Variants in FAM107B observed in about 807,000 individuals in gnomAD.
FAM107B encodes protein FAM107B.
FAM107B carries 21 observed loss-of-function variants against 31.5 expected under a neutral mutation model. That is an observed-to-expected ratio of 0.67 (90% CI 0.47 to 0.96). The LOEUF (loss-of-function observed/expected upper bound fraction) is 0.96, where lower values mean the gene tolerates loss of function less well. FAM107B is among the 40% of genes least tolerant of loss of function. The pLI, the probability that FAM107B is intolerant of heterozygous loss-of-function variation, is 0.00. For missense variants in FAM107B, 452 were observed against 377.1 expected (o/e 1.20, Z -1.64); for synonymous variants, 157 against 141.5 (o/e 1.11, Z -0.78).
At chr10:14,612,809 G>C (rs1250496786) in intron 2 of FAM107B, among the ~76,000 whole-genome samples, 1 of 151,932 alleles carries the variant, frequency 6.6e-6, no homozygotes, top group Non-Finnish European at 1.5e-5. Context: ...AAAAGACTGG[G>C]AATAAAAATG....
chr10:14,606,778 C>T (rs988471451), intron 2 of FAM107B, among the ~76,000 whole-genome samples: 1 of 151,552 alleles, frequency 6.6e-6, no homozygotes, highest in Non-Finnish European at 1.5e-5. Context: ...CATGAAGACA[C>T]AATGAAAAGG....
intron 2 of FAM107B, among the ~76,000 whole-genome samples, chr10:14,618,522 G>A (rs1852911334): frequency 6.6e-6 from 1 of 152,088 alleles, no homozygotes; most frequent in Non-Finnish European, 1.5e-5. Context: ...TCCAGTCTTC[G>A]AATGTGACCT....
chr10:14,595,580 C>A (rs1852163527), intron 2 of FAM107B, among the ~76,000 whole-genome samples: 1 of 152,058 alleles, frequency 6.6e-6, no homozygotes, highest in Non-Finnish European at 1.5e-5. Flanking sequence ...CGTGCACCAC[C>A]ACGCCTGGCT....
chr10:14,722,531 A>C (rs916490328), intron 1 of FAM107B, among the ~76,000 whole-genome samples: 2 of 152,164 alleles, frequency 1.3e-5, no homozygotes, highest in African/African-American at 2.4e-5. Flanking sequence ...ATGGCTGTAA[A>C]GTTGTACTCT....
intron 2 of FAM107B, among the ~76,000 whole-genome samples, chr10:14,538,040 G>C (rs1296999950): frequency 6.6e-6 from 1 of 152,112 alleles, no homozygotes; most frequent in Admixed American, 6.5e-5. Flanking sequence ...AATTCCAAAA[G>C]GAAGCTCTTA....
At chr10:14,528,174 GTTTT>G (rs34584902) in intron 3 of FAM107B, 152 of 67,732 alleles carry the variant, frequency 2.2e-3, no homozygotes, top group South Asian at 0.012. Context: ...TTAAGTTTTG[GTTTT>G]TTTTTTTTTT....
chr10:14,660,933 G>A (rs1225615400), intron 2 of FAM107B, among the ~76,000 whole-genome samples: 3 of 152,174 alleles, frequency 2.0e-5, no homozygotes, highest in Non-Finnish European at 2.9e-5. Context: ...AATGTTGGAG[G>A]AGGGGCCTGG....
intron 2 of FAM107B, among the ~76,000 whole-genome samples, chr10:14,583,061 TG>T (rs1564586163): frequency 7.3e-6 from 1 of 136,178 alleles, no homozygotes; most frequent in Non-Finnish European, 1.5e-5. Flanking sequence ...CACTCCAGCC[TG>T]GGCAAAACAG....
chr10:14,701,621 T>C, intron 1 of FAM107B, among the ~76,000 whole-genome samples: 1 of 151,940 alleles, frequency 6.6e-6, no homozygotes, highest in East Asian at 1.9e-4. Flanking sequence ...GAAAGGGAAC[T>C]AAAAGGAATG....
chr10:14,622,681 C>A (rs1302510574), intron 2 of FAM107B, among the ~76,000 whole-genome samples: 1 of 152,210 alleles, frequency 6.6e-6, no homozygotes, highest in East Asian at 1.9e-4. Context: ...ACACTAGACA[C>A]ACTCTTATTG....
chr10:14,536,588 T>G (rs1418499243), intron 2 of FAM107B, among the ~76,000 whole-genome samples: 1 of 152,220 alleles, frequency 6.6e-6, no homozygotes, highest in Non-Finnish European at 1.5e-5. Context: ...AAAGTGCAGT[T>G]GGTTTCATCA....
At position 14,707,960 on chromosome 10, in the gene FAM107B, G is replaced by A. The variant is rs190948745; in HGVS notation, c.412-40269C>T. On this transcript the variant is annotated intron_variant, in intron 1 of 4. Transcript: ENST00000181796. ...GGAAGGCACAGCATGTGTTAAAATAGCTAGGACTGGCCCTGCCTTCAGCCC... is the reference window on the plus strand; with the variant it reads ...GGAAGGCACAGCATGTGTTAAAATAACTAGGACTGGCCCTGCCTTCAGCCC... Among the ~76,000 whole-genome samples the A allele has an allele frequency of 2.6e-5, 4 of 152,316 alleles. No homozygotes were observed. In the East Asian group the frequency reaches 7.7e-4, roughly 29 times the overall value.
chr10:14,643,842 TA>T (rs1853689690), intron 2 of FAM107B, among the ~76,000 whole-genome samples: 1 of 152,238 alleles, frequency 6.6e-6, no homozygotes, highest in Admixed American at 6.5e-5. Context: ...CACATAAAAC[TA>T]ATCATCGCAC....
intron 1 of FAM107B, among the ~76,000 whole-genome samples, chr10:14,696,694 C>G (rs547518247): frequency 6.6e-6 from 1 of 152,210 alleles, no homozygotes; most frequent in South Asian, 2.1e-4. Context: ...TTTACAGTAA[C>G]AAAATATCCA....
intron 1 of FAM107B, among the ~76,000 whole-genome samples, chr10:14,761,788 G>A (rs1443268928): frequency 6.6e-6 from 1 of 151,906 alleles, no homozygotes; most frequent in Non-Finnish European, 1.5e-5. Context: ...AGTAGAGGGG[G>A]GGGTTTCACC....
chr10:14,552,166 G>A (rs1588561571), intron 2 of FAM107B, among the ~76,000 whole-genome samples: 2 of 152,158 alleles, frequency 1.3e-5, no homozygotes, highest in Admixed American at 1.3e-4. Context: ...GGCTATGTGT[G>A]ACCCTCCCAC....
intron 1 of FAM107B, among the ~76,000 whole-genome samples, chr10:14,762,754 TCACACA>T (rs35574582): frequency 0.042 from 4,874 of 116,122 alleles, 106 homozygotes; most frequent in East Asian, 0.064. Context: ...AAACTCTGTC[TCACACA>T]CACACACACA....
intron 2 of FAM107B, among the ~76,000 whole-genome samples, chr10:14,655,740 A>G (rs1347799431): frequency 6.6e-6 from 1 of 152,202 alleles, no homozygotes; most frequent in Non-Finnish European, 1.5e-5. Context: ...CAGCCACCAC[A>G]GGATTTATGC....
intron 2 of FAM107B, among the ~76,000 whole-genome samples, chr10:14,645,800 G>A (rs1853738073): frequency 6.6e-6 from 1 of 152,176 alleles, no homozygotes; most frequent in Middle Eastern, 3.4e-3. Context: ...TCTGTTATAT[G>A]TCACTTTGGC....
Sources: allele counts gnomAD v4.1 joint callset (sites outside exome capture counted in the v4.1 genomes callset), GRCh38; gene constraint gnomAD v4.1.1; transcripts MANE v1.5; gene names NCBI Gene and HGNC (gene_info 2026-07-23, HGNC 2026-07-21).